ZNF225: variants seen among roughly 807,000 people sequenced by gnomAD.
The protein encoded by ZNF225 is zinc finger protein 225.
A neutral mutation model predicts 12.0 loss-of-function variants in ZNF225; 6 were observed. The observed-to-expected ratio is 0.50, with a 90% CI of 0.27 to 0.98. ZNF225 has a LOEUF of 0.98. Ranked by LOEUF, ZNF225 falls within the 50% of genes least tolerant of loss-of-function variation. The pLI is 0.11. For missense variants in ZNF225, 763 were observed against 848.2 expected, an observed-to-expected ratio of 0.90 and a Z score of 1.25; for synonymous variants, 271 against 283.2, an observed-to-expected ratio of 0.96 and a Z score of 0.43.
In ZNF225 at chr19:44,132,248, G is replaced by T; in HGVS notation, c.1634G>T (p.Cys545Phe). The T allele has an allele frequency of 6.2e-7, 1 of 1,614,170 alleles. No homozygotes were observed. Among genetic ancestry groups the T allele is most frequent in the South Asian group, 1.1e-5 (1 of 91,088 alleles). The change falls in exon 5 of 5, where the codon TGT becomes TTT. Residue 545 changes from cysteine (C) to phenylalanine (F), a missense_variant. By Grantham distance (205) the Cys-to-Phe change is radical (BLOSUM62 -2). Transcript: ENST00000262894. ...TGVKPYKCEE[C>F]GKGFNSKFNL... ...GTAAAGCCATACAAATGTGAAGAGT[G>T]TGGGAAGGGCTTCAACAGTAAGTTT...
chr19:44,111,780 A>C (rs938608661), upstream of ZNF225, among the ~76,000 whole-genome samples: 2 of 152,240 alleles, frequency 1.3e-5, no homozygotes, highest in African/African-American at 2.4e-5. Context: ...GGGATTATGG[A>C]CAACAGTAGT....
upstream of ZNF225, chr19:44,113,107 C>G (rs937045142): frequency 3.3e-5 from 5 of 152,422 alleles, no homozygotes; most frequent in Middle Eastern, 6.8e-3. Context: ...CTTCAGCATT[C>G]GGAGGAGTGT....
chr19:44,130,285 G>A (rs1968219394), intron 4 of ZNF225: 1 of 152,046 alleles, frequency 6.6e-6, no homozygotes. Flanking sequence ...TGTAGTCCTA[G>A]CTACTCAGGA....
At chr19:44,114,659 T>C (rs1967903061) in intron 1 of ZNF225, among the ~76,000 whole-genome samples, 1 of 152,134 alleles carries the variant, frequency 6.6e-6, no homozygotes, top group Non-Finnish European at 1.5e-5. Context: ...TACAGGTGCC[T>C]GCCACCACAT....
rs1283811073 is a variant in ZNF225 at position 44,118,589 on chromosome 19, A to G, written c.235+15A>G. 4 of 1,606,968 alleles carry G rather than the reference A, an allele frequency of 2.5e-6. No homozygotes were observed. The Admixed American group carries it at 5.0e-5, about 20-fold the overall frequency. ...AGGGAATTTAGGTAAGAAGCAAGCA[A>G]CTCTGTGTCCTTGTGCGTGACTCTC... On this transcript the variant is annotated intron_variant, in intron 4 of 4. Coordinates refer to ENST00000262894, the MANE Select transcript of ZNF225 (RefSeq NM_013362.4).
Position 44,118,474 on chromosome 19 carries a change from G to C in ZNF225, c.143-8G>C, listed in dbSNP as rs373963033. ...TGGCACTAAGCACATGACTTTTCAC[G>C]TTCACAGGGCATCAATCACTCCACA... On this transcript the variant is annotated splice_region_variant and splice_polypyrimidine_tract_variant and intron_variant, in intron 3 of 4. Transcript: ENST00000262894. The C allele has an allele frequency of 1.3e-5, 21 of 1,613,066 alleles. No homozygotes were observed. The highest frequency in any genetic ancestry group is 6.8e-6 in the Non-Finnish European group (8 of 1,179,558).
Position 44,114,271 on chromosome 19 carries a change from T to C in ZNF225, c.-69+702T>C, listed in dbSNP as rs1967892662. On this transcript the variant is annotated intron_variant, in intron 1 of 4. Coordinates refer to ENST00000262894, the MANE Select transcript of ZNF225 (RefSeq NM_013362.4). Reference sequence around the variant, plus strand: ...GATGCTCACCCCAACCGAGAGTGTATAGGATGTGTCTTCGGGCATGGGTGT... The same window carrying C: ...GATGCTCACCCCAACCGAGAGTGTACAGGATGTGTCTTCGGGCATGGGTGT... 1.1e-5 allele frequency: 8 copies of C among 734,664 alleles called. No homozygotes were observed. The South Asian group carries it at 1.3e-4, about 12-fold the overall frequency. 45.5% of individuals were successfully genotyped at this position (734,664 alleles called of 1,614,324 possible).
Position 44,133,840 on chromosome 19 carries a change from C to CTAGAGATAGATTTGATTTTTATAAT in ZNF225, c.*1105_*1106insTAGAGATAGATTTGATTTTTATAAT, listed in dbSNP as rs1291094137. ...GATTTGATTTTTATAATCAAATCTA[C>CTAGAGATAGATTTGATTTTTATAAT]CAGAGATAGATTTGATTTTTATAAT... On this transcript the variant is annotated 3_prime_UTR_variant, in exon 5 of 5. Transcript: ENST00000262894. The CTAGAGATAGATTTGATTTTTATAAT allele has an allele frequency of 5.7e-5, 7 of 123,814 alleles. 2 individuals carry two copies. Among genetic ancestry groups the CTAGAGATAGATTTGATTTTTATAAT allele is most frequent in the South Asian group, 2.5e-4 (1 of 3,926 alleles). 7.7% of individuals were successfully genotyped at this position (123,814 alleles called of 1,614,324 possible).
intron 4 of ZNF225, among the ~76,000 whole-genome samples, chr19:44,122,184 A>G (rs1968068643): frequency 6.6e-6 from 1 of 152,134 alleles, no homozygotes; most frequent in African/African-American, 2.4e-5. Context: ...AAGGTGAGGG[A>G]TGAAGATCCA....
intron 4 of ZNF225, among the ~76,000 whole-genome samples, chr19:44,128,211 A>G (rs1968185335): frequency 6.6e-6 from 1 of 152,222 alleles, no homozygotes; most frequent in Non-Finnish European, 1.5e-5. Flanking sequence ...ACACATCTGA[A>G]TGTTGCCTGT....
intron 4 of ZNF225, among the ~76,000 whole-genome samples, chr19:44,128,023 C>A (rs915102043): frequency 2.6e-5 from 4 of 152,204 alleles, no homozygotes; most frequent in African/African-American, 9.7e-5. Flanking sequence ...ACTTTCAATT[C>A]TCTGATGTCT....
intron 4 of ZNF225, among the ~76,000 whole-genome samples, chr19:44,120,971 A>G (rs1453966743): frequency 6.6e-6 from 1 of 151,250 alleles, no homozygotes; most frequent in Non-Finnish European, 1.5e-5. Context: ...ATCTCGGCTC[A>G]CTGCAGGCTC....
At position 44,131,076 on chromosome 19, in the gene ZNF225, A is replaced by G; in HGVS notation, c.462A>G (p.Lys154=). 1 of 1,614,100 alleles carries G rather than the reference A, an allele frequency of 6.2e-7. No individual in the cohort carries two copies. Among genetic ancestry groups the G allele is most frequent in the Non-Finnish European group, 8.5e-7 (1 of 1,179,946 alleles). ...AACCTTCTGAGGGTAGGACGTGTAA[A>G]AAGTCCTTTAGTGATGTCTCCGTCC... ...RQKPSEGRTC[K]KSFSDVSVLD... Residue 154 remains lysine, a synonymous_variant, in exon 5 of 5, where the codon AAA becomes AAG. Transcript: ENST00000262894.
intron 4 of ZNF225, among the ~76,000 whole-genome samples, chr19:44,121,051 G>A (rs554395343): frequency 1.1e-4 from 16 of 152,040 alleles, no homozygotes; most frequent in African/African-American, 2.7e-4. Flanking sequence ...CGCCCGCCAC[G>A]ATGCCCTGCT....
intron 1 of ZNF225, chr19:44,114,281 CT>C: frequency 1.5e-6 from 1 of 661,496 alleles, no homozygotes; most frequent in Non-Finnish European, 2.7e-6. Context: ...TAGGATGTGT[CT>C]TCGGGCATGG....
At chr19:44,127,177 A>C (rs1968165056) in intron 4 of ZNF225, among the ~76,000 whole-genome samples, 1 of 152,248 alleles carries the variant, frequency 6.6e-6, no homozygotes, top group African/African-American at 2.4e-5. Flanking sequence ...CCAGGCAAGA[A>C]TGGCCTGCTT....
intron 4 of ZNF225, among the ~76,000 whole-genome samples, chr19:44,126,334 T>C (rs141669817): frequency 1.4e-3 from 212 of 152,328 alleles, no homozygotes; most frequent in African/African-American, 5.0e-3. Context: ...ACCCAGCAAG[T>C]CTACCCAGCT....
In ZNF225 at chr19:44,134,732, CAT is replaced by C. The variant is rs1568545044; in HGVS notation, c.*1998_*1999del. The stretch of plus-strand genomic sequence containing the variant: ...CAACTTGGTTACAACATGGTGTTAA[CAT>C]GTGGGACTGATTGTGTTTCTTGTTA... On this transcript the variant is annotated 3_prime_UTR_variant, in exon 5 of 5. Coordinates refer to ENST00000262894, the MANE Select transcript of ZNF225 (RefSeq NM_013362.4). 3 of 152,346 alleles carry C rather than the reference CAT, an allele frequency of 2.0e-5. No individual in the cohort carries two copies. Among genetic ancestry groups the C allele is most frequent in the African/African-American group, 7.2e-5 (3 of 41,576 alleles). 9.4% of individuals were successfully genotyped at this position (152,346 alleles called of 1,614,324 possible).
intron 4 of ZNF225, among the ~76,000 whole-genome samples, chr19:44,127,733 C>T (rs766301477): frequency 2.0e-5 from 3 of 151,974 alleles, no homozygotes; most frequent in South Asian, 2.1e-4. Flanking sequence ...CTGTAGCCTC[C>T]GTGTCCCGGG....
Sources: allele counts gnomAD v4.1 joint callset (sites outside exome capture counted in the v4.1 genomes callset), GRCh38; gene constraint gnomAD v4.1.1; transcripts MANE v1.5; gene names NCBI Gene and HGNC (gene_info 2026-07-23, HGNC 2026-07-21).